The following ST6GAL2 variants were observed in gnomAD, a reference collection of about 807,000 sequenced individuals.
ST6GAL2 encodes ST6 beta-galactoside alpha-2,6-sialyltransferase 2.
Under a neutral mutation model 37.5 loss-of-function variants are expected in ST6GAL2, and 24 were observed. The ratio of observed to expected loss-of-function variants is 0.64; its 90% CI spans 0.46 to 0.90. The LOEUF (loss-of-function observed/expected upper bound fraction) is 0.90, where lower values mean the gene tolerates loss of function less well. ST6GAL2 is among the 40% of genes least tolerant of loss of function. ST6GAL2 has a pLI of 0.00. For synonymous variants in ST6GAL2, 306 were observed against 295.1 expected (o/e 1.04, Z -0.38); for missense variants, 715 against 712.7 (o/e 1.00, Z -0.04).
chr2:106,805,900 G>A lies in ST6GAL2; in HGVS notation c.*778C>T, dbSNP rs1156242589. 6 of 152,326 alleles carry A rather than the reference G, an allele frequency of 3.9e-5. No individual in the cohort carries two copies. The highest frequency in any genetic ancestry group is 1.4e-4 in the African/African-American group (6 of 41,476). The allele number at this position is 152,326 out of a possible 1,614,324, so 9.4% of individuals were successfully genotyped here. A position where few individuals can be genotyped will look rare whatever the true frequency, so the allele number is the denominator to read the frequency against. The stretch of plus-strand genomic sequence containing the variant: ...AGTGTCCAGGGGCACCTGCAGCCCT[G>A]TGATTCTATGTTACTTGCCAGTGAT... On this transcript the variant is annotated 3_prime_UTR_variant, in exon 6 of 6. Transcript: ENST00000409382.
In ST6GAL2 at chr2:106,806,558, A is replaced by G. The variant is rs1573194090; in HGVS notation, c.*120T>C. On this transcript the variant is annotated 3_prime_UTR_variant, in exon 6 of 6. Coordinates refer to ENST00000409382, the MANE Select transcript of ST6GAL2 (RefSeq NM_001142351.2). ...AAAGAGAAGGATTATCATGACCACC[A>G]CTAAATTACTGTTTAAAGACTCAAA... The G allele has an allele frequency of 1.8e-6, 2 of 1,088,324 alleles. No homozygotes were observed. Among genetic ancestry groups the G allele is most frequent in the East Asian group, 4.8e-5 (2 of 41,970 alleles). The allele number at this position is 1,088,324 out of a possible 1,614,324, so 67.4% of individuals were successfully genotyped here.
intron 5 of ST6GAL2, among the ~76,000 whole-genome samples, chr2:106,813,930 T>C (rs1675703398): frequency 6.6e-6 from 1 of 152,212 alleles, no homozygotes; most frequent in Admixed American, 6.5e-5. Context: ...CTAGGAGCTG[T>C]TTTGTGGTTT....
chr2:106,821,137 A>G (rs1675987514), intron 5 of ST6GAL2, among the ~76,000 whole-genome samples: 1 of 151,924 alleles, frequency 6.6e-6, no homozygotes, highest in African/African-American at 2.4e-5. Flanking sequence ...GAAACAATAG[A>G]GATCAAGCAA....
Position 106,805,537 on chromosome 2 carries a change from C to T in ST6GAL2, c.*1141G>A, listed in dbSNP as rs1428356506. On this transcript the variant is annotated 3_prime_UTR_variant, in exon 6 of 6. Transcript: ENST00000409382. ...TCACATAAATTATTTAATTATATGG[C>T]TTTGTCATGCTGCTGACATAAAACA... 3 of 152,158 alleles carry T rather than the reference C, an allele frequency of 2.0e-5. No homozygotes were observed. The highest frequency in any genetic ancestry group is 6.5e-5 in the Admixed American group (1 of 15,274). 9.4% of individuals were successfully genotyped at this position (152,158 alleles called of 1,614,324 possible).
intron 5 of ST6GAL2, among the ~76,000 whole-genome samples, chr2:106,829,655 T>C (rs1286789916): frequency 1.3e-5 from 2 of 152,098 alleles, no homozygotes; most frequent in African/African-American, 4.8e-5. Flanking sequence ...TTTTACACCT[T>C]GGAATTTCAG....
At chr2:106,856,997 G>A (rs935240239) in intron 1 of ST6GAL2, among the ~76,000 whole-genome samples, 23 of 152,152 alleles carry the variant, frequency 1.5e-4, no homozygotes, top group African/African-American at 5.5e-4. Flanking sequence ...AAATCACCTT[G>A]GCAGATGCAG....
chr2:106,852,827 G>A (rs1033853553), intron 1 of ST6GAL2, among the ~76,000 whole-genome samples: 1 of 152,168 alleles, frequency 6.6e-6, no homozygotes, highest in Non-Finnish European at 1.5e-5. Flanking sequence ...GTGGGTGCAC[G>A]AGCAGCGAAG....
chr2:106,830,134 A>G lies in ST6GAL2; in HGVS notation c.1250T>C (p.Leu417Pro). ...YILHPKFIWQ[L>P]WDIIQENTKE... ...AGTGTTCTCCTGGATAATATCCCAG[A>G]GCTGCCATATAAATTTAGGATGAAG... Residue 417 changes from leucine (L) to proline (P), a missense_variant, in exon 5 of 6, where the codon CTC becomes CCC. Physicochemically the swap from Leu to Pro is moderately conservative, Grantham distance 98. This residue lies in a region of ST6GAL2 where 198 missense variants were observed against 203.6 expected (regional missense o/e 0.97). Transcript: ENST00000409382. 1 of 1,614,086 alleles carries G rather than the reference A, an allele frequency of 6.2e-7. No homozygotes were observed.
At chr2:106,827,707 C>T (rs1022802359) in intron 5 of ST6GAL2, among the ~76,000 whole-genome samples, 3 of 152,172 alleles carry the variant, frequency 2.0e-5, no homozygotes, top group Non-Finnish European at 4.4e-5. Context: ...ATATGGCAGC[C>T]ATCAGGAGCA....
chr2:106,809,101 G>A (rs1675521209), intron 5 of ST6GAL2, among the ~76,000 whole-genome samples: 1 of 152,236 alleles, frequency 6.6e-6, no homozygotes, highest in African/African-American at 2.4e-5. Context: ...CCCAGAGCCT[G>A]TGTCTGTGGA....
At chr2:106,849,028 C>T (rs1677253773) in intron 1 of ST6GAL2, among the ~76,000 whole-genome samples, 1 of 152,350 alleles carries the variant, frequency 6.6e-6, no homozygotes, top group South Asian at 2.1e-4. Context: ...TCTGCTGGAA[C>T]TTCTCTGACT....
At chr2:106,884,939 A>ATATATATATG (rs1491214200) in intron 1 of ST6GAL2, among the ~76,000 whole-genome samples, 10 of 122,636 alleles carry the variant, frequency 8.2e-5, no homozygotes, top group African/African-American at 2.7e-4. Context: ...ATATATACAT[A>ATATATATATG]CACACACACA....
chr2:106,883,024 T>C (rs1678816293), intron 1 of ST6GAL2, among the ~76,000 whole-genome samples: 1 of 152,216 alleles, frequency 6.6e-6, no homozygotes, highest in Non-Finnish European at 1.5e-5. Flanking sequence ...TAGTCACAAC[T>C]GCTGGGACCC....
At chr2:106,820,534 G>A (rs1675964690) in intron 5 of ST6GAL2, among the ~76,000 whole-genome samples, 1 of 152,002 alleles carries the variant, frequency 6.6e-6, no homozygotes, top group Non-Finnish European at 1.5e-5. Context: ...AATAAAGGCT[G>A]GAGACTTTAA....
chr2:106,860,800 C>T (rs1677768195), intron 1 of ST6GAL2, among the ~76,000 whole-genome samples: 2 of 152,170 alleles, frequency 1.3e-5, no homozygotes, highest in African/African-American at 4.8e-5. Context: ...GGCCTTCCCT[C>T]ACAAATGGTT....
intron 1 of ST6GAL2, among the ~76,000 whole-genome samples, chr2:106,875,440 A>G (rs1678464105): frequency 6.6e-6 from 1 of 152,092 alleles, no homozygotes; most frequent in Non-Finnish European, 1.5e-5. Context: ...GTCCTCCCAA[A>G]GTGCTGGGAT....
rs1229998111 is a variant in ST6GAL2, at chr2:106,843,477, C to T, written c.501G>A (p.Gln167=). Residue 167 remains glutamine, a synonymous_variant, in exon 2 of 6, where the codon CAG becomes CAA. Transcript: ENST00000409382. Reference sequence around the variant, plus strand: ...TCTTCTTCACCCGCCTCCTCTGGACCTGTGCAGCCGGAAAAGCCCCCTCCC... The same window carrying T: ...TCTTCTTCACCCGCCTCCTCTGGACTTGTGCAGCCGGAAAAGCCCCCTCCC... ...GPREGAFPAA[Q]VQRRRVKKRH... 1.2e-6 allele frequency: 2 copies of T among 1,614,078 alleles called. No homozygotes were observed. The highest frequency in any genetic ancestry group is 2.2e-5 in the South Asian group (2 of 91,086).
chr2:106,819,560 C>T (rs549213014), intron 5 of ST6GAL2, among the ~76,000 whole-genome samples: 3 of 151,882 alleles, frequency 2.0e-5, no homozygotes, highest in Admixed American at 6.6e-5. Context: ...CCAAGACACA[C>T]AAAAACTGAG....
chr2:106,878,306 T>A (rs968107104), intron 1 of ST6GAL2, among the ~76,000 whole-genome samples: 9 of 149,520 alleles, frequency 6.0e-5, no homozygotes, highest in Admixed American at 4.7e-4. Flanking sequence ...CTCCAAAAAA[T>A]TTTAAAAAGT....
Sources: allele counts gnomAD v4.1 joint callset (sites outside exome capture counted in the v4.1 genomes callset), GRCh38; gene constraint gnomAD v4.1.1; regional missense constraint gnomAD v4.1.1; transcripts MANE v1.5; gene names NCBI Gene and HGNC (gene_info 2026-07-23, HGNC 2026-07-21).